The following FAF1 variants were observed in gnomAD, a reference collection of about 807,000 sequenced individuals.
The protein encoded by FAF1 is FAS-associated factor 1.
In FAF1, 25 loss-of-function variants were observed where a neutral mutation model predicts 92.5. The ratio of observed to expected loss-of-function variants is 0.27; its 90% CI spans 0.20 to 0.38. FAF1 has a LOEUF of 0.38. Ranked by LOEUF, FAF1 falls within the 10% of genes least tolerant of loss-of-function variation. The pLI is 1.00. For missense variants in FAF1, 636 were observed against 793.3 expected (o/e 0.80, Z 2.38); for synonymous variants, 234 against 273.2 (o/e 0.86, Z 1.42).
intron 3 of FAF1, among the ~76,000 whole-genome samples, chr1:50,797,210 C>A (rs1419386638): frequency 6.6e-6 from 1 of 152,076 alleles, no homozygotes; most frequent in Non-Finnish European, 1.5e-5. Context: ...TCAGTTTTCA[C>A]TAACATTTAA....
At chr1:50,954,931 C>A (rs929560267) in intron 1 of FAF1, among the ~76,000 whole-genome samples, 1 of 152,112 alleles carries the variant, frequency 6.6e-6, no homozygotes, top group African/African-American at 2.4e-5. Flanking sequence ...ATCACTTGAG[C>A]CCAGAAGTTC....
rs953260504 is a variant in FAF1, at chr1:50,957,243, C to T, written c.45+2524G>A. On this transcript the variant is annotated intron_variant, in intron 1 of 18. Transcript: ENST00000396153. ...GGCAAACAATTGTTCACTGCAGATG[C>T]CATTCTATTTTTCCCATTTTTAAAC... 2.0e-5 allele frequency among the ~76,000 whole-genome samples: 3 copies of T among 152,014 alleles called. No individual in the cohort carries two copies. In the East Asian group the frequency reaches 5.8e-4, roughly 29 times the overall value.
intron 8 of FAF1, among the ~76,000 whole-genome samples, chr1:50,612,704 G>A (rs1158989568): frequency 1.3e-5 from 2 of 152,250 alleles, no homozygotes; most frequent in Admixed American, 6.5e-5. Flanking sequence ...TGGGCATCTT[G>A]TCCTGGCTTT....
intron 1 of FAF1, among the ~76,000 whole-genome samples, chr1:50,875,658 G>A (rs1644565249): frequency 6.6e-6 from 1 of 152,030 alleles, no homozygotes; most frequent in Non-Finnish European, 1.5e-5. Flanking sequence ...TCACCATGTT[G>A]GTCAGGCTGG....
At chr1:50,848,067 T>C (rs1265349366) in intron 2 of FAF1, among the ~76,000 whole-genome samples, 2 of 152,142 alleles carry the variant, frequency 1.3e-5, no homozygotes, top group African/African-American at 4.8e-5. Context: ...TGCCAACAAA[T>C]GTACTCTACA....
At chr1:50,881,434 G>A (rs1644611565) in intron 1 of FAF1, among the ~76,000 whole-genome samples, 1 of 152,280 alleles carries the variant, frequency 6.6e-6, no homozygotes, top group Non-Finnish European at 1.5e-5. Context: ...CTTAAGTACT[G>A]TCTCAACTTG....
intron 15 of FAF1, among the ~76,000 whole-genome samples, chr1:50,515,260 T>C (rs1215612824): frequency 2.0e-5 from 3 of 152,174 alleles, no homozygotes; most frequent in Admixed American, 2.0e-4. Flanking sequence ...TTACTTCTAC[T>C]TGACAGATGG....
rs543108548 is a variant in FAF1 at position 50,677,882 on chromosome 1, C to T, written c.658-22354G>A. ...TGCACTCCAGTCTGCGCAACAAGAA[C>T]AAAACTCTGCCTCAAAAAAAAAAAA... On this transcript the variant is annotated intron_variant, in intron 7 of 18. Coordinates refer to ENST00000396153, the MANE Select transcript of FAF1 (RefSeq NM_007051.3). Among the ~76,000 whole-genome samples the T allele has an allele frequency of 4.4e-3, 324 of 73,214 alleles. 1 individual carries two copies. Among genetic ancestry groups the T allele is most frequent in the Non-Finnish European group, 5.7e-3 (223 of 39,456 alleles). The allele number at this position is 73,214 out of a possible 152,430, so 48.0% of individuals were successfully genotyped here.
chr1:50,688,140 A>T (rs779782221), intron 7 of FAF1, among the ~76,000 whole-genome samples: 257 of 152,006 alleles, frequency 1.7e-3, no homozygotes, highest in African/African-American at 3.7e-3. Context: ...TATCTCAAAA[A>T]AAATAAATAA....
chr1:50,672,172 G>A (rs1393939672), intron 7 of FAF1, among the ~76,000 whole-genome samples: 1 of 151,996 alleles, frequency 6.6e-6, no homozygotes, highest in Non-Finnish European at 1.5e-5. Context: ...AGCCTCCCAA[G>A]TAGCTGGGAT....
chr1:50,749,180 G>T (rs1250663206), intron 4 of FAF1, among the ~76,000 whole-genome samples: 1 of 152,064 alleles, frequency 6.6e-6, no homozygotes, highest in Non-Finnish European at 1.5e-5. Context: ...CTTTTTGCTT[G>T]TGGCTGAGGT....
At position 50,439,172 on chromosome 1, in the gene FAF1, G is replaced by A. The variant is rs1646148659; in HGVS notation, c.*2268C>T. 1 of 152,256 alleles carries A rather than the reference G, an allele frequency of 6.6e-6. No individual in the cohort carries two copies. The highest frequency in any genetic ancestry group is 1.5e-5 in the Non-Finnish European group (1 of 68,058). The allele number at this position is 152,256 out of a possible 1,614,324, so 9.4% of individuals were successfully genotyped here. Reference sequence around the variant, plus strand: ...TGGAGGCTGGGATGTAAAGCCCAAGGAAGCCTAATGGTAGGAGGAAGAACT... The same window carrying A: ...TGGAGGCTGGGATGTAAAGCCCAAGAAAGCCTAATGGTAGGAGGAAGAACT... On this transcript the variant is annotated 3_prime_UTR_variant, in exon 19 of 19. Transcript: ENST00000396153.
intron 8 of FAF1, among the ~76,000 whole-genome samples, chr1:50,637,273 T>TAAAAAAAAA (rs1172030649): frequency 9.6e-4 from 93 of 96,962 alleles, no homozygotes; most frequent in African/African-American, 1.5e-3. Context: ...CCATTTCTAC[T>TAAAAAAAAA]AAAAAAAAAA....
intron 18 of FAF1, among the ~76,000 whole-genome samples, chr1:50,472,368 TAC>T (rs71850142): frequency 0.099 from 12,233 of 123,682 alleles, 525 homozygotes; most frequent in East Asian, 0.19. Flanking sequence ...GGGGAAAACA[TAC>T]ACACACACAC....
rs1268888531 is a variant in FAF1 at position 50,584,688 on chromosome 1, T to C, written c.964A>G (p.Met322Val). ...CCAAAGAGCTATTAATACTCACTCA[T>C]TGGAGATTTTCTCAAGGCAGATGAC... ...MASSALRKSPMMPENAENEGD... is the reference protein window; with the variant it reads ...MASSALRKSPVMPENAENEGD... Residue 322 changes from methionine to valine, a missense_variant, in exon 10 of 19, where the codon ATG becomes GTG. Met to Val is a conservative substitution (Grantham distance 21). This residue lies in a region of FAF1 where 319 missense variants were observed against 451.0 expected (regional missense o/e 0.71). Coordinates refer to ENST00000396153, the MANE Select transcript of FAF1 (RefSeq NM_007051.3). The C allele has an allele frequency of 3.1e-6, 5 of 1,613,228 alleles. No homozygotes were observed. The highest frequency in any genetic ancestry group is 1.7e-5 in the Admixed American group (1 of 59,974).
chr1:50,787,428 T>C (rs1459200964), intron 4 of FAF1, among the ~76,000 whole-genome samples: 1 of 152,196 alleles, frequency 6.6e-6, no homozygotes, highest in Non-Finnish European at 1.5e-5. Flanking sequence ...AGTCTGTCCC[T>C]TTTGCCCTTC....
intron 7 of FAF1, among the ~76,000 whole-genome samples, chr1:50,677,602 A>C (rs1202404114): frequency 6.6e-6 from 1 of 152,210 alleles, no homozygotes; most frequent in African/African-American, 2.4e-5. Flanking sequence ...AGTTTTAAAA[A>C]TATGAATTGG....
At chr1:50,888,964 G>T (rs1394092727) in intron 1 of FAF1, among the ~76,000 whole-genome samples, 1 of 152,130 alleles carries the variant, frequency 6.6e-6, no homozygotes, top group East Asian at 1.9e-4. Flanking sequence ...TGTACCTCTG[G>T]TAGAATTTAG....
At chr1:50,499,715 C>T (rs575685168) in intron 15 of FAF1, among the ~76,000 whole-genome samples, 1 of 152,002 alleles carries the variant, frequency 6.6e-6, no homozygotes, top group Non-Finnish European at 1.5e-5. Flanking sequence ...ACAAGCAACC[C>T]CTTCCCCTTC....
Sources: allele counts gnomAD v4.1 joint callset (sites outside exome capture counted in the v4.1 genomes callset), GRCh38; gene constraint gnomAD v4.1.1; regional missense constraint gnomAD v4.1.1; transcripts MANE v1.5; gene names NCBI Gene and HGNC (gene_info 2026-07-23, HGNC 2026-07-21).